The following MYO1D variants were observed in gnomAD, a reference collection of about 807,000 sequenced individuals.
The protein encoded by MYO1D is unconventional myosin-Id.
In MYO1D, 83 loss-of-function variants were observed where a neutral mutation model predicts 122.0. The observed-to-expected ratio is 0.68, with a 90% confidence interval of 0.57 to 0.82. MYO1D has a LOEUF of 0.82. Among genes scored for constraint, MYO1D ranks in the 40% least tolerant of loss-of-function variants. MYO1D has a pLI of 0.00. For missense variants in MYO1D, 1,157 were observed against 1,269.5 expected, an observed-to-expected ratio of 0.91 and a Z score of 1.35; for synonymous variants, 464 against 446.9, an observed-to-expected ratio of 1.04 and a Z score of -0.48.
intron 4 of MYO1D, 92 bp from the exon 5 acceptor site, chr17:32,772,934 G>GC: frequency 1.0e-6 from 1 of 957,646 alleles, no homozygotes; most frequent in Non-Finnish European, 1.7e-6. Context: ...AGGCCTCTGA[G>GC]CCCAAGCCTG....
intron 20 of MYO1D, among the ~76,000 whole-genome samples, chr17:32,611,476 A>G (rs1371754638): frequency 6.6e-6 from 1 of 152,194 alleles, no homozygotes; most frequent in Non-Finnish European, 1.5e-5. Flanking sequence ...AAAATCTTCA[A>G]GTACCTAGGC....
chr17:32,513,071 C>G (rs1382485850), intron 21 of MYO1D: 2 of 152,264 alleles, frequency 1.3e-5, no homozygotes, highest in Non-Finnish European at 2.9e-5. Flanking sequence ...CCTATAGCTT[C>G]TATCCCCTGC....
intron 16 of MYO1D, among the ~76,000 whole-genome samples, chr17:32,685,526 T>C (rs2088993142): frequency 6.6e-6 from 1 of 152,208 alleles, no homozygotes; most frequent in Admixed American, 6.5e-5. Context: ...TTTAACTATA[T>C]AATGGCAGGT....
chr17:32,739,576 GC>G (rs1347739324), intron 13 of MYO1D, among the ~76,000 whole-genome samples: 1 of 151,400 alleles, frequency 6.6e-6, no homozygotes, highest in Non-Finnish European at 1.5e-5. Flanking sequence ...CACCAACATG[GC>G]GCATGTATAC....
At position 32,876,805 on chromosome 17, in the gene MYO1D, G is replaced by C; in HGVS notation, c.68C>G (p.Pro23Arg). Residue 23 changes from proline to arginine, a missense_variant, in exon 1 of 22, where the codon CCC (proline) becomes CGC (arginine). By Grantham distance (103) the Pro-to-Arg change is moderately radical. Coordinates refer to ENST00000318217, the MANE Select transcript of MYO1D (RefSeq NM_015194.3). ...DFVLMDTVSM[P>R]EFMANLRLRF... ...GAGCCTGAGGTTGGCCATGAACTCGGGCATGGAGACGGTGTCCATCAGCAC... is the reference window on the plus strand; with the variant it reads ...GAGCCTGAGGTTGGCCATGAACTCGCGCATGGAGACGGTGTCCATCAGCAC... 2 of 1,523,554 alleles carry C rather than the reference G, an allele frequency of 1.3e-6. No individual in the cohort carries two copies. The highest frequency in any genetic ancestry group is 1.8e-6 in the Non-Finnish European group (2 of 1,136,058). 94.4% of individuals were successfully genotyped at this position (1,523,554 alleles called of 1,614,324 possible).
chr17:32,644,846 T>C (rs1295307812), intron 19 of MYO1D, among the ~76,000 whole-genome samples: 1 of 152,234 alleles, frequency 6.6e-6, no homozygotes, highest in Non-Finnish European at 1.5e-5. Context: ...AGTACCCTGA[T>C]GGGTCTTGAC....
intron 19 of MYO1D, among the ~76,000 whole-genome samples, chr17:32,647,369 A>C (rs1007881989): frequency 1.3e-5 from 2 of 152,242 alleles, no homozygotes; most frequent in East Asian, 1.9e-4. Flanking sequence ...AGGGTGAACA[A>C]AGAGTATTTT....
chr17:32,561,165 A>G (rs1352944420), intron 21 of MYO1D, among the ~76,000 whole-genome samples: 1 of 151,276 alleles, frequency 6.6e-6, no homozygotes, highest in African/African-American at 2.4e-5. Flanking sequence ...ACCCGCCTCA[A>G]CCTCCCAAAG....
At position 32,738,355 on chromosome 17, in the gene MYO1D, A is replaced by G. The variant is rs1456733454; in HGVS notation, c.1644T>C (p.Pro548=). The G allele has an allele frequency of 5.0e-6, 8 of 1,603,640 alleles. No homozygotes were observed. The highest frequency in any genetic ancestry group is 1.7e-5 in the Admixed American group (1 of 58,414). ...SSNPVLKNMW[P]EGKLSITEVT... The stretch of plus-strand genomic sequence containing the variant: ...CCTCTGTAATGCTCAGTTTGCCTTC[A>G]GGCCACATATTCTTGAGCACAGGAT... The change falls in exon 14 of 22, where the codon CCT becomes CCC. Residue 548 remains proline (P), a synonymous_variant. Transcript: ENST00000318217.
At chr17:32,684,789 A>T (rs1009279664) in intron 16 of MYO1D, among the ~76,000 whole-genome samples, 3 of 152,210 alleles carry the variant, frequency 2.0e-5, no homozygotes, top group Admixed American at 1.3e-4. Context: ...ATAAGCATCA[A>T]CTTGAAAAAC....
intron 21 of MYO1D, among the ~76,000 whole-genome samples, chr17:32,598,332 C>T (rs1311036167): frequency 6.6e-6 from 1 of 152,150 alleles, no homozygotes; most frequent in Non-Finnish European, 1.5e-5. Flanking sequence ...CAAGATTGCA[C>T]CACTGCACTC....
intron 12 of MYO1D, 66 bp downstream of exon 12, chr17:32,748,870 C>T: frequency 1.4e-6 from 2 of 1,387,084 alleles, no homozygotes; most frequent in South Asian, 1.2e-5. Flanking sequence ...TTACATTTTT[C>T]CTGGTTGTAT....
intron 1 of MYO1D, among the ~76,000 whole-genome samples, chr17:32,823,745 C>A (rs1485202790): frequency 6.6e-6 from 1 of 152,098 alleles, no homozygotes; most frequent in African/African-American, 2.4e-5. Context: ...CCAGGCAACA[C>A]AAACACTGAA....
chr17:32,821,297 G>A (rs11657049), intron 1 of MYO1D, among the ~76,000 whole-genome samples: 5,715 of 151,906 alleles, frequency 0.038, 160 homozygotes, highest in Non-Finnish European at 0.054. Context: ...GTAGGTGGTG[G>A]GCAGGAATAA....
At chr17:32,720,917 C>T in intron 15 of MYO1D, 106 bp downstream of exon 15, 1 of 1,176,122 alleles carries the variant, frequency 8.5e-7, no homozygotes, top group South Asian at 2.2e-5. Flanking sequence ...CTTTTGTTCA[C>T]CCAACAAATA....
rs2090169316 is a variant in MYO1D, at chr17:32,776,085, T to A, written c.399-56A>T. The stretch of plus-strand genomic sequence containing the variant: ...AAAACTTATAGAGACTAGAATTTTT[T>A]AAAAACTGGATTTTGCTAAACCACA... On this transcript the variant is annotated intron_variant, in intron 3 of 21. Coordinates refer to ENST00000318217, the MANE Select transcript of MYO1D (RefSeq NM_015194.3). 20 of 1,510,300 alleles carry A rather than the reference T, an allele frequency of 1.3e-5. No individual in the cohort carries two copies. In the South Asian group the frequency reaches 2.3e-4, roughly 18 times the overall value. 93.6% of individuals were successfully genotyped at this position (1,510,300 alleles called of 1,614,324 possible). A position where few individuals can be genotyped will look rare whatever the true frequency, so the allele number is the denominator to read the frequency against.
chr17:32,522,551 G>A (rs948139101), intron 21 of MYO1D, among the ~76,000 whole-genome samples: 4 of 152,204 alleles, frequency 2.6e-5, no homozygotes, highest in Admixed American at 6.5e-5. Context: ...AGAGTTCCCA[G>A]GGGATGAGGC....
chr17:32,818,338 C>T (rs1191663956), intron 1 of MYO1D, among the ~76,000 whole-genome samples: 2 of 152,050 alleles, frequency 1.3e-5, no homozygotes, highest in Non-Finnish European at 2.9e-5. Context: ...CCCAGCAATG[C>T]TGAGCTGTGG....
chr17:32,610,763 T>A (rs909020775), intron 20 of MYO1D, among the ~76,000 whole-genome samples: 4 of 152,212 alleles, frequency 2.6e-5, no homozygotes, highest in African/African-American at 9.7e-5. Flanking sequence ...AATATAATTT[T>A]AAAACCTTAC....
Sources: allele counts gnomAD v4.1 joint callset (sites outside exome capture counted in the v4.1 genomes callset), GRCh38; gene constraint gnomAD v4.1.1; transcripts MANE v1.5; gene names NCBI Gene and HGNC (gene_info 2026-07-23, HGNC 2026-07-21).